The following WWOX variants were observed in gnomAD, a reference collection of about 807,000 sequenced individuals.
The protein encoded by WWOX is WW domain containing oxidoreductase, also known as WW domain-containing oxidoreductase.
A neutral mutation model predicts 46.2 loss-of-function variants in WWOX; 69 were observed. That is an observed-to-expected ratio of 1.49 (90% confidence interval 1.23 to 1.82). WWOX has a LOEUF of 1.82. Among genes scored for constraint, WWOX ranks in the 40% most tolerant of loss-of-function variants. WWOX has a pLI of 0.00. For missense variants in WWOX, 919 were observed against 542.6 expected, an observed-to-expected ratio of 1.69 and a Z score of -6.89; for synonymous variants, 359 against 202.6, an observed-to-expected ratio of 1.77 and a Z score of -6.56.
chr16:78,105,416 A>G (rs1567571887), intron 1 of WWOX, among the ~76,000 whole-genome samples: 1 of 151,236 alleles, frequency 6.6e-6, no homozygotes, highest in East Asian at 1.9e-4. Flanking sequence ...CTGAGATTGC[A>G]CCACTGTACT....
chr16:78,866,197 G>C (rs1028653714), intron 8 of WWOX, among the ~76,000 whole-genome samples: 1 of 152,090 alleles, frequency 6.6e-6, no homozygotes, highest in Non-Finnish European at 1.5e-5. Flanking sequence ...AAACACCGAA[G>C]AATCCTTCTG....
intron 5 of WWOX, among the ~76,000 whole-genome samples, chr16:78,263,996 CTTTTTT>C (rs757195574): frequency 2.5e-5 from 2 of 78,816 alleles, no homozygotes; most frequent in African/African-American, 1.2e-4. Flanking sequence ...GCTGTGAAAT[CTTTTTT>C]TTTTTTTTTT....
intron 1 of WWOX, among the ~76,000 whole-genome samples, chr16:78,103,303 G>T (rs2031925698): frequency 6.6e-6 from 1 of 151,128 alleles, no homozygotes; most frequent in African/African-American, 2.4e-5. Context: ...ACATGTGCAG[G>T]ATGTGCAGGT....
At chr16:78,607,893 C>G (rs557466480) in intron 8 of WWOX, among the ~76,000 whole-genome samples, 11 of 152,162 alleles carry the variant, frequency 7.2e-5, no homozygotes, top group African/African-American at 2.6e-4. Flanking sequence ...TGTCGGGGAC[C>G]TGCACACATG....
At chr16:78,186,099 A>T (rs1313761755) in intron 5 of WWOX, among the ~76,000 whole-genome samples, 1 of 152,214 alleles carries the variant, frequency 6.6e-6, no homozygotes, top group Non-Finnish European at 1.5e-5. Context: ...GTTGATATAA[A>T]ATAACATGAC....
At chr16:79,062,078 G>A (rs1172380939) in intron 8 of WWOX, among the ~76,000 whole-genome samples, 2 of 152,120 alleles carry the variant, frequency 1.3e-5, no homozygotes, top group African/African-American at 2.4e-5. Context: ...AGATGCAAGG[G>A]TGAAATACAC....
intron 8 of WWOX, among the ~76,000 whole-genome samples, chr16:78,672,400 G>C (rs9937226): frequency 0.21 from 31,381 of 152,150 alleles, 6,327 homozygotes; most frequent in African/African-American, 0.53. Flanking sequence ...GAAGACACCA[G>C]AAAATAGTGT....
chr16:78,563,209 G>A (rs780611040), intron 8 of WWOX, among the ~76,000 whole-genome samples: 1 of 152,152 alleles, frequency 6.6e-6, no homozygotes, highest in African/African-American at 2.4e-5. Flanking sequence ...AATTTATATT[G>A]CTGAAAATGT....
chr16:78,737,458 T>C (rs906366715), intron 8 of WWOX, among the ~76,000 whole-genome samples: 1 of 152,026 alleles, frequency 6.6e-6, no homozygotes, highest in African/African-American at 2.4e-5. Flanking sequence ...TTTATTAAGT[T>C]TGGGGGGAAC....
chr16:78,099,852 G>C lies in WWOX; in HGVS notation c.74G>C (p.Arg25Thr). The change falls in exon 1 of 9, where the codon AGA (arginine) becomes ACA (threonine). Residue 25 changes from arginine to threonine, a missense_variant. By Grantham distance (71) the Arg-to-Thr change is moderately conservative. Coordinates refer to ENST00000566780, the MANE Select transcript of WWOX (RefSeq NM_016373.4). ...EDELPPGWEE[R>T]TTKDGWVYYA... Reference sequence around the variant, plus strand: ...GAGCTGCCTCCGGGCTGGGAGGAGAGAACCACCAAGGACGGCTGGGTTTAC... The same window carrying C: ...GAGCTGCCTCCGGGCTGGGAGGAGACAACCACCAAGGACGGCTGGGTTTAC... 6.3e-7 allele frequency: 1 copy of C among 1,580,834 alleles called. No individual in the cohort carries two copies. Among genetic ancestry groups the C allele is most frequent in the East Asian group, 2.3e-5 (1 of 42,804 alleles).
At chr16:78,402,520 C>T (rs548432879) in intron 6 of WWOX, among the ~76,000 whole-genome samples, 1 of 152,048 alleles carries the variant, frequency 6.6e-6, no homozygotes, top group Admixed American at 6.6e-5. Flanking sequence ...GTTGGAGGTC[C>T]GTAGAAATTG....
At chr16:78,397,810 C>T (rs913804037) in intron 6 of WWOX, among the ~76,000 whole-genome samples, 5 of 152,204 alleles carry the variant, frequency 3.3e-5, no homozygotes, top group Admixed American at 6.5e-5. Context: ...TAGGCGTGAG[C>T]CACCGCTCCT....
chr16:78,190,265 G>T (rs2035843051), intron 5 of WWOX, among the ~76,000 whole-genome samples: 1 of 152,184 alleles, frequency 6.6e-6, no homozygotes, highest in Non-Finnish European at 1.5e-5. Flanking sequence ...TATATGGGCT[G>T]CTAGCGCTTA....
chr16:78,776,377 C>G (rs2050190646), intron 8 of WWOX, among the ~76,000 whole-genome samples: 1 of 152,028 alleles, frequency 6.6e-6, no homozygotes, highest in Non-Finnish European at 1.5e-5. Context: ...CTCTGTGACA[C>G]TTGCTTACTG....
intron 7 of WWOX, among the ~76,000 whole-genome samples, chr16:78,428,409 G>T (rs533521921): frequency 1.3e-5 from 2 of 152,332 alleles, no homozygotes; most frequent in South Asian, 4.1e-4. Flanking sequence ...TAGCTAATGA[G>T]ACTGTAAAAG....
At chr16:78,310,750 C>T (rs1223633391) in intron 5 of WWOX, among the ~76,000 whole-genome samples, 3 of 152,220 alleles carry the variant, frequency 2.0e-5, no homozygotes, top group Admixed American at 2.0e-4. Flanking sequence ...GAGTTTTACT[C>T]ACCTTTGCTT....
chr16:79,159,754 C>T lies in WWOX; in HGVS notation c.1057-51854C>T, dbSNP rs370994819. Among the ~76,000 whole-genome samples the T allele has an allele frequency of 6.6e-5, 10 of 152,184 alleles. No individual in the cohort carries two copies. The South Asian group carries it at 1.7e-3, about 25-fold the overall frequency. On this transcript the variant is annotated intron_variant, in intron 8 of 8. Transcript: ENST00000566780. ...CTAGTTTTATTTCTTCAAATTTACT[C>T]AGTCGAGAAAAATTTGTGGAGTGCG...
chr16:79,175,959 G>C (rs948086304), intron 8 of WWOX, among the ~76,000 whole-genome samples: 1 of 152,124 alleles, frequency 6.6e-6, no homozygotes, highest in African/African-American at 2.4e-5. Context: ...ACCCTTGCCT[G>C]TCAAATTCCT....
At chr16:78,973,110 C>T (rs531736863) in intron 8 of WWOX, among the ~76,000 whole-genome samples, 301 of 152,300 alleles carry the variant, frequency 2.0e-3, no homozygotes, top group Non-Finnish European at 3.1e-3. Context: ...GCATTAAAAT[C>T]CTCTCATTCC....
Sources: allele counts gnomAD v4.1 joint callset (sites outside exome capture counted in the v4.1 genomes callset), GRCh38; gene constraint gnomAD v4.1.1; transcripts MANE v1.5; gene names NCBI Gene and HGNC (gene_info 2026-07-23, HGNC 2026-07-21).